Variants in TDRD3 observed in about 807,000 individuals in gnomAD.
TDRD3 encodes tudor domain-containing protein 3.
Under a neutral mutation model 86.7 loss-of-function variants are expected in TDRD3, and 45 were observed. The ratio of observed to expected loss-of-function variants is 0.52; its 90% CI spans 0.41 to 0.67. TDRD3 has a LOEUF of 0.67. Ranked by LOEUF, TDRD3 falls within the 30% of genes least tolerant of loss-of-function variation. The probability of loss-of-function intolerance (pLI) is 0.00; values close to 1 mark genes in which losing one functional copy is unlikely to be tolerated. For missense variants in TDRD3, 814 were observed against 889.0 expected (o/e 0.92, Z 1.07); for synonymous variants, 298 against 301.7 (o/e 0.99, Z 0.13).
intron 7 of TDRD3, among the ~76,000 whole-genome samples, chr13:60,489,528 T>A (rs751316376): frequency 6.6e-6 from 1 of 152,200 alleles, no homozygotes; most frequent in Non-Finnish European, 1.5e-5. Flanking sequence ...TTTGGATGGT[T>A]ACTCAGCTTT....
intron 10 of TDRD3, among the ~76,000 whole-genome samples, chr13:60,518,556 G>T (rs1016558573): frequency 3.3e-5 from 5 of 152,106 alleles, no homozygotes; most frequent in African/African-American, 1.2e-4. Context: ...ACCTTGTCCT[G>T]CCATTGATGT....
At chr13:60,526,998 C>A (rs927425036) in intron 10 of TDRD3, among the ~76,000 whole-genome samples, 17 of 151,986 alleles carry the variant, frequency 1.1e-4, no homozygotes, top group African/African-American at 3.9e-4. Flanking sequence ...CCACACCCAG[C>A]TAATTTTTGT....
chr13:60,446,860 T>C (rs1377133636), intron 3 of TDRD3, among the ~76,000 whole-genome samples: 3 of 152,142 alleles, frequency 2.0e-5, no homozygotes, highest in Non-Finnish European at 4.4e-5. Context: ...TTAACCAGCA[T>C]TTTACCATTA....
chr13:60,501,860 C>G (rs1956840708), intron 8 of TDRD3, among the ~76,000 whole-genome samples: 1 of 152,186 alleles, frequency 6.6e-6, no homozygotes, highest in Non-Finnish European at 1.5e-5. Flanking sequence ...CAATAAAGTT[C>G]TAGCAGACTC....
chr13:60,397,734 G>T (rs1953968972), intron 1 of TDRD3, among the ~76,000 whole-genome samples: 1 of 151,336 alleles, frequency 6.6e-6, no homozygotes, highest in Non-Finnish European at 1.5e-5. Flanking sequence ...GGAGCGCCGG[G>T]GAGGACCTGC....
At chr13:60,411,761 G>A (rs1258903528) in intron 1 of TDRD3, among the ~76,000 whole-genome samples, 2 of 152,114 alleles carry the variant, frequency 1.3e-5, no homozygotes, top group Non-Finnish European at 2.9e-5. Context: ...ATATCACCTG[G>A]TAGCTTGTTA....
At chr13:60,562,309 T>C (rs58626756) in intron 12 of TDRD3, among the ~76,000 whole-genome samples, 1 of 151,380 alleles carries the variant, frequency 6.6e-6, no homozygotes, top group African/African-American at 2.4e-5. Flanking sequence ...CAAGACTCAG[T>C]CTCCCTTCCC....
chr13:60,470,840 C>G (rs1213674457), intron 5 of TDRD3, among the ~76,000 whole-genome samples: 1 of 152,158 alleles, frequency 6.6e-6, no homozygotes, highest in Non-Finnish European at 1.5e-5. Flanking sequence ...GTCTCAGCCT[C>G]TAAAAGTGCT....
At chr13:60,457,233 CAA>C (rs1259020110) in intron 3 of TDRD3, among the ~76,000 whole-genome samples, 4 of 152,152 alleles carry the variant, frequency 2.6e-5, no homozygotes, top group African/African-American at 4.8e-5. Context: ...TAAGAAGTGA[CAA>C]GAGATTCTGT....
intron 4 of TDRD3, among the ~76,000 whole-genome samples, chr13:60,462,681 T>C (rs1447859850): frequency 1.3e-5 from 2 of 152,110 alleles, no homozygotes; most frequent in Non-Finnish European, 2.9e-5. Flanking sequence ...TTTATTATTA[T>C]TATTATTATT....
chr13:60,397,584 C>A (rs1396436221), intron 1 of TDRD3, among the ~76,000 whole-genome samples, 179 bp downstream of exon 1: 2 of 149,136 alleles, frequency 1.3e-5, no homozygotes, highest in Non-Finnish European at 3.0e-5. Flanking sequence ...CCTGCGAGTT[C>A]CCCTAGGTCC....
intron 1 of TDRD3, among the ~76,000 whole-genome samples, chr13:60,409,040 T>C (rs1954298503): frequency 6.6e-6 from 1 of 152,228 alleles, no homozygotes; most frequent in African/African-American, 2.4e-5. Flanking sequence ...TCCCAGCCAC[T>C]CCAGCCTTGG....
chr13:60,521,516 C>A (rs1957284382), intron 10 of TDRD3, among the ~76,000 whole-genome samples: 1 of 151,830 alleles, frequency 6.6e-6, no homozygotes, highest in South Asian at 2.1e-4. Flanking sequence ...AGTCACTAAA[C>A]TGGAAAGATG....
intron 3 of TDRD3, among the ~76,000 whole-genome samples, chr13:60,454,049 A>G (rs1235060963): frequency 1.3e-5 from 2 of 152,170 alleles, no homozygotes; most frequent in African/African-American, 4.8e-5. Flanking sequence ...AAGGTTTTAT[A>G]CATGGTACTT....
At chr13:60,482,949 A>G (rs1956352254) in intron 5 of TDRD3, among the ~76,000 whole-genome samples, 1 of 152,084 alleles carries the variant, frequency 6.6e-6, no homozygotes, top group Non-Finnish European at 1.5e-5. Flanking sequence ...ATTAAGTAAC[A>G]ACTAGTAAGA....
chr13:60,514,771 T>A (rs1205700831), intron 10 of TDRD3, among the ~76,000 whole-genome samples: 2 of 152,204 alleles, frequency 1.3e-5, no homozygotes, highest in Non-Finnish European at 2.9e-5. Context: ...TGTCCGAATG[T>A]GATACAAAGG....
chr13:60,398,292 C>G (rs1953996891), intron 1 of TDRD3, among the ~76,000 whole-genome samples: 1 of 152,012 alleles, frequency 6.6e-6, no homozygotes, highest in Non-Finnish European at 1.5e-5. Flanking sequence ...AAGAGTGAGG[C>G]ATTAAAAGAC....
At chr13:60,510,784 TTTTTCTTTC>T (rs779458295) in intron 10 of TDRD3, 29 bp downstream of exon 10, 9 of 1,508,706 alleles carry the variant, frequency 6.0e-6, no homozygotes, top group South Asian at 4.0e-5. Flanking sequence ...GATTCCTTTT[TTTTTCTTTC>T]TTTTCTTTCT....
intron 7 of TDRD3, among the ~76,000 whole-genome samples, chr13:60,486,698 A>C (rs997010117): frequency 3.9e-5 from 6 of 152,220 alleles, no homozygotes; most frequent in Non-Finnish European, 7.3e-5. Flanking sequence ...TTTATTGAAC[A>C]CTAGAACTTA....
Sources: allele counts gnomAD v4.1 joint callset (sites outside exome capture counted in the v4.1 genomes callset), GRCh38; gene constraint gnomAD v4.1.1; transcripts MANE v1.5; gene names NCBI Gene and HGNC (gene_info 2026-07-23, HGNC 2026-07-21).